The following RAPGEF1 variants were observed in gnomAD, a reference collection of about 807,000 sequenced individuals.
RAPGEF1 encodes Rap guanine nucleotide exchange factor 1.
Under a neutral mutation model 143.3 loss-of-function variants are expected in RAPGEF1, and 33 were observed. That is an observed-to-expected ratio of 0.23 (90% CI 0.17 to 0.31). The LOEUF (loss-of-function observed/expected upper bound fraction) is 0.31, where lower values mean the gene tolerates loss of function less well. RAPGEF1 is among the 10% of genes least tolerant of loss of function. RAPGEF1 has a pLI of 1.00. For missense variants in RAPGEF1, 1,199 were observed against 1,645.4 expected (o/e 0.73, Z 4.69); for synonymous variants, 629 against 676.5 (o/e 0.93, Z 1.09).
intron 1 of RAPGEF1, among the ~76,000 whole-genome samples, chr9:131,703,641 C>T (rs1164964488): frequency 6.6e-6 from 1 of 152,138 alleles, no homozygotes; most frequent in African/African-American, 2.4e-5. Context: ...CACCCTGGCA[C>T]CTGGGCTCCA....
chr9:131,699,887 T>C (rs1834499402), intron 1 of RAPGEF1, among the ~76,000 whole-genome samples: 1 of 152,052 alleles, frequency 6.6e-6, no homozygotes, highest in Middle Eastern at 3.2e-3. Flanking sequence ...CATCTTTATG[T>C]CAACAACTCT....
rs1273068336 is a variant in RAPGEF1, at chr9:131,641,752, T to C, written c.494+1487A>G. Among the ~76,000 whole-genome samples, 1 of 152,236 alleles carries C rather than the reference T, an allele frequency of 6.6e-6. No individual in the cohort carries two copies. On this transcript the variant is annotated intron_variant, in intron 4 of 26. Coordinates refer to ENST00000683357, the MANE Select transcript of RAPGEF1 (RefSeq NM_001377935.1). The surrounding 1 kb of genome is among the most constrained non-coding windows in gnomAD (Gnocchi z 4.6). ...CTAAGAGCCGGAGCTGGACTGACTC[T>C]GGGAAAGACAGTGAAGACAAGCATG...
intron 1 of RAPGEF1, among the ~76,000 whole-genome samples, chr9:131,681,304 C>T (rs893859026): frequency 2.0e-5 from 3 of 152,116 alleles, no homozygotes; most frequent in Non-Finnish European, 4.4e-5. Flanking sequence ...CAAGCAGCAC[C>T]TCGAGCGACC....
At chr9:131,629,880 A>C (rs1964376647) in intron 6 of RAPGEF1, among the ~76,000 whole-genome samples, 1 of 152,104 alleles carries the variant, frequency 6.6e-6, no homozygotes, top group Non-Finnish European at 1.5e-5. Flanking sequence ...CATCCATGTC[A>C]TCCTCAGTTT....
rs764235525 is a variant in RAPGEF1 at position 131,624,844 on chromosome 9, T to C, written c.1702+1078A>G. 7.3e-4 allele frequency among the ~76,000 whole-genome samples: 111 copies of C among 152,324 alleles called. 1 individual carries two copies. The highest frequency in any genetic ancestry group is 1.4e-3 in the Non-Finnish European group (96 of 68,020). On this transcript the variant is annotated intron_variant, in intron 10 of 26. Transcript: ENST00000683357. Reference sequence around the variant, plus strand: ...AGTCCCACAGAGCCAGCTCTCCCTCTAGCTGGGGGACCACACTGCTGAGGC... The same window carrying C: ...AGTCCCACAGAGCCAGCTCTCCCTCCAGCTGGGGGACCACACTGCTGAGGC...
At chr9:131,707,849 A>C (rs1013567874) in intron 1 of RAPGEF1, among the ~76,000 whole-genome samples, 8 of 152,224 alleles carry the variant, frequency 5.3e-5, no homozygotes, top group African/African-American at 1.9e-4. Context: ...CTTCAGCATG[A>C]CTATTCAAAA....
At chr9:131,662,641 T>A (rs1172602116) in intron 1 of RAPGEF1, among the ~76,000 whole-genome samples, 3 of 151,586 alleles carry the variant, frequency 2.0e-5, no homozygotes, top group Non-Finnish European at 4.4e-5. Context: ...CTGGTTCAAG[T>A]GATTCTCCTG....
chr9:131,580,427 G>A (rs756644255), intron 25 of RAPGEF1, 36 bp from the exon 26 acceptor site: 12 of 1,603,878 alleles, frequency 7.5e-6, no homozygotes, highest in South Asian at 2.2e-5. Context: ...TTACTGCTAC[G>A]GGGTTTGGAA....
Position 131,587,930 on chromosome 9 carries a change from A to G in RAPGEF1, c.3138+12T>C, listed in dbSNP as rs1953457349. ...AAACAGTGTGGCTCCCCCTGGCAGG[A>G]GCAGCCTGTACCTCTATTTTATAGA... On this transcript the variant is annotated intron_variant, in intron 21 of 26. Transcript: ENST00000683357. 1 of 1,606,618 alleles carries G rather than the reference A, an allele frequency of 6.2e-7. No homozygotes were observed. The highest frequency in any genetic ancestry group is 1.3e-5 in the African/African-American group (1 of 74,812).
intron 5 of RAPGEF1, among the ~76,000 whole-genome samples, chr9:131,632,980 T>A (rs1965348916): frequency 6.6e-6 from 1 of 152,180 alleles, no homozygotes. Flanking sequence ...AGTGCTGGGA[T>A]TACAGGTGTG....
chr9:131,639,467 T>TGTGTGTGTGA (rs1233904740), intron 4 of RAPGEF1, among the ~76,000 whole-genome samples: 7 of 143,236 alleles, frequency 4.9e-5, no homozygotes, highest in African/African-American at 1.8e-4. Context: ...TGTGTGTGTG[T>TGTGTGTGTGA]GAGAGAGAGA....
intron 1 of RAPGEF1, among the ~76,000 whole-genome samples, chr9:131,739,463 T>G (rs975129785): frequency 6.6e-6 from 1 of 151,912 alleles, no homozygotes; most frequent in Non-Finnish European, 1.5e-5. Flanking sequence ...CTTCCCCTGC[T>G]TGGGGCTCGA....
chr9:131,581,709 G>T (rs1232050772), intron 25 of RAPGEF1, among the ~76,000 whole-genome samples: 1 of 152,062 alleles, frequency 6.6e-6, no homozygotes, highest in Non-Finnish European at 1.5e-5. Flanking sequence ...CACAAACAAA[G>T]AAACAAAGAA....
chr9:131,629,577 G>A (rs1308764817), intron 6 of RAPGEF1, among the ~76,000 whole-genome samples: 1 of 152,128 alleles, frequency 6.6e-6, no homozygotes, highest in African/African-American at 2.4e-5. Context: ...GATCACTTGA[G>A]GTTAGGAGTT....
rs1211850753 is a variant in RAPGEF1, at chr9:131,664,568, C to A, written c.62-13619G>T. Among the ~76,000 whole-genome samples the A allele has an allele frequency of 2.0e-5, 3 of 152,276 alleles. No individual in the cohort carries two copies. In the East Asian group the frequency reaches 5.8e-4, roughly 29 times the overall value. ...CAGCTCCCTTCCACAACAGTGAGAACCCTGGTTTCTAACATCATCAATCTA... is the reference window on the plus strand; with the variant it reads ...CAGCTCCCTTCCACAACAGTGAGAAACCTGGTTTCTAACATCATCAATCTA... On this transcript the variant is annotated intron_variant, in intron 1 of 26. Transcript: ENST00000683357.
chr9:131,592,256 G>T, intron 17 of RAPGEF1, 73 bp from the exon 18 acceptor site: 1 of 1,241,552 alleles, frequency 8.1e-7, no homozygotes. Context: ...GGGTGGATTT[G>T]AGTCCTTGCT....
Position 131,667,343 on chromosome 9 carries a change from T to C in RAPGEF1, c.62-16394A>G. Among the ~76,000 whole-genome samples, 1 of 152,188 alleles carries C rather than the reference T, an allele frequency of 6.6e-6. No individual in the cohort carries two copies. Among genetic ancestry groups the C allele is most frequent in the Admixed American group, 6.5e-5 (1 of 15,280 alleles). The stretch of plus-strand genomic sequence containing the variant: ...TGAGGAGACCGAGTCACAGGCGGCT[T>C]CCTGCTCGCCTTAGGCAGGGCTCAG... On this transcript the variant is annotated intron_variant, in intron 1 of 26. Transcript: ENST00000683357. The surrounding 1 kb of genome is among the most constrained non-coding windows in gnomAD (Gnocchi z 4.6).
At chr9:131,733,410 T>C (rs1837217770) in intron 1 of RAPGEF1, among the ~76,000 whole-genome samples, 1 of 149,214 alleles carries the variant, frequency 6.7e-6, no homozygotes, top group Non-Finnish European at 1.5e-5. Context: ...TGGCTACAGC[T>C]TAAAAACACA....
Position 131,592,316 on chromosome 9 carries a change from C to T in RAPGEF1, c.2690-133G>A, listed in dbSNP as rs1294191503. ...CGGGGAGTGGGATGGGCGAGGGAGC[C>T]GAGGGCTTGGGAACCCCCTCTGGTG... is the stretch of plus-strand genomic sequence containing the variant. On this transcript the variant is annotated intron_variant, in intron 17 of 26. Coordinates refer to ENST00000683357, the MANE Select transcript of RAPGEF1 (RefSeq NM_001377935.1). The T allele has an allele frequency of 6.0e-6, 4 of 667,422 alleles. No individual in the cohort carries two copies. The Admixed American group carries it at 9.9e-5, about 17-fold the overall frequency. 41.3% of individuals were successfully genotyped at this position (667,422 alleles called of 1,614,324 possible).
Sources: allele counts gnomAD v4.1 joint callset (sites outside exome capture counted in the v4.1 genomes callset), GRCh38; gene constraint gnomAD v4.1.1; non-coding constraint Gnocchi (gnomAD v3.1); transcripts MANE v1.5; gene names NCBI Gene and HGNC (gene_info 2026-07-23, HGNC 2026-07-21).